Variants in POLA1 observed in about 807,000 individuals in gnomAD.
POLA1 encodes DNA polymerase alpha catalytic subunit.
A neutral mutation model predicts 124.0 loss-of-function variants in POLA1; 15 were observed. The ratio of observed to expected loss-of-function variants is 0.12; its 90% CI spans 0.08 to 0.19. POLA1 has a LOEUF of 0.19. POLA1 is among the 10% of genes least tolerant of loss of function. The pLI is 1.00. For missense variants in POLA1, 886 were observed against 1,103.4 expected (o/e 0.80, Z 2.79); for synonymous variants, 408 against 389.4 (o/e 1.05, Z -0.56).
At chrX:24,843,262 G>C in intron 33 of POLA1, among the ~76,000 whole-genome samples, 1 of 111,859 alleles carries the variant, frequency 8.9e-6, no homozygotes, top group Middle Eastern at 4.6e-3. Context: ...TTTACAGAGG[G>C]AAAATTATTT....
At chrX:24,970,934 C>T (rs1289886047) in intron 36 of POLA1, among the ~76,000 whole-genome samples, 4 of 112,131 alleles carry the variant, frequency 3.6e-5, no homozygotes, top group Non-Finnish European at 5.6e-5. Context: ...ACACAAGAAA[C>T]GAGGATACCT....
intron 35 of POLA1, among the ~76,000 whole-genome samples, chrX:24,927,444 A>G (rs1186868372): frequency 8.9e-6 from 1 of 111,946 alleles, no homozygotes; most frequent in Non-Finnish European, 1.9e-5. Flanking sequence ...GTATCAAAAC[A>G]GAGTTCTTTC....
intron 32 of POLA1, among the ~76,000 whole-genome samples, chrX:24,838,414 C>T (rs1361317055): frequency 8.9e-6 from 1 of 111,988 alleles, no homozygotes; most frequent in Non-Finnish European, 1.9e-5. Flanking sequence ...GCTGCTCTTC[C>T]TCCAGATAAC....
At chrX:24,890,762 G>A (rs1295100721) in intron 35 of POLA1, among the ~76,000 whole-genome samples, 1 of 112,195 alleles carries the variant, frequency 8.9e-6, no homozygotes, top group Non-Finnish European at 1.9e-5. Flanking sequence ...TTGATGATTA[G>A]CAACTTTTTT....
chrX:24,790,791 T>C (rs1022916576), intron 26 of POLA1, among the ~76,000 whole-genome samples: 6 of 108,902 alleles, frequency 5.5e-5, no homozygotes, highest in Admixed American at 9.9e-5. Context: ...ATTGAGAATA[T>C]GCAAGTTCAG....
chrX:24,921,892 T>TTGTGTGTGTGTGTGTG (rs755172411), intron 35 of POLA1, among the ~76,000 whole-genome samples: 4 of 105,715 alleles, frequency 3.8e-5, no homozygotes, highest in African/African-American at 1.1e-4. Context: ...GTTTTGCCTT[T>TTGTGTGTGTGTGTGTG]TGTGTGTGTG....
chrX:24,707,701 CAG>C (rs1307435614), intron 4 of POLA1, among the ~76,000 whole-genome samples: 2 of 112,450 alleles, frequency 1.8e-5, no homozygotes, highest in Non-Finnish European at 1.9e-5. Flanking sequence ...TGTTTTCAAA[CAG>C]AGAAAAATGG....
chrX:24,781,899 G>A (rs182314737), intron 26 of POLA1, among the ~76,000 whole-genome samples: 321 of 111,805 alleles, frequency 2.9e-3, no homozygotes, highest in African/African-American at 0.01. Flanking sequence ...GCCAATTTTA[G>A]TATATATTGT....
intron 5 of POLA1, 82 bp from the exon 6 acceptor site, chrX:24,715,059 C>T (rs1234728224): frequency 6.0e-6 from 4 of 665,042 alleles, no homozygotes; most frequent in Non-Finnish European, 7.3e-6. Context: ...CTAGGTCCTT[C>T]CTTTCATATA....
intron 29 of POLA1, 97 bp from the exon 30 acceptor site, chrX:24,814,882 A>G: frequency 1.3e-6 from 1 of 792,655 alleles, no homozygotes; most frequent in Non-Finnish European, 1.7e-6. Flanking sequence ...CCACATGTTA[A>G]TCTAATGGCA....
intron 35 of POLA1, among the ~76,000 whole-genome samples, chrX:24,916,568 C>T (rs780555908): frequency 9.0e-6 from 1 of 111,249 alleles, no homozygotes; most frequent in South Asian, 3.9e-4. Context: ...CGTGAGCCAC[C>T]GCGCCCGGCC....
chrX:24,962,911 G>C, intron 36 of POLA1, among the ~76,000 whole-genome samples: 2 of 111,565 alleles, frequency 1.8e-5, no homozygotes, highest in African/African-American at 3.3e-5. Flanking sequence ...GTAACCCCAT[G>C]AAATCTCACT....
chrX:24,894,062 C>A (rs2147148694), intron 35 of POLA1, among the ~76,000 whole-genome samples: 1 of 111,462 alleles, frequency 9.0e-6, no homozygotes, highest in African/African-American at 3.3e-5. Context: ...CCTTCTAGAC[C>A]CAATATTCCT....
chrX:24,971,530 G>A (rs2048302493), intron 36 of POLA1, among the ~76,000 whole-genome samples: 1 of 112,198 alleles, frequency 8.9e-6, no homozygotes, highest in South Asian at 3.7e-4. Context: ...ATCATAGCAT[G>A]GGCAGGGCAG....
At chrX:24,729,743 C>T (rs973783628) in intron 15 of POLA1, among the ~76,000 whole-genome samples, 7 of 109,995 alleles carry the variant, frequency 6.4e-5, no homozygotes, top group African/African-American at 2.3e-4. Flanking sequence ...TCTTTTTTAA[C>T]AGCATTTTGT....
In POLA1 at chrX:24,841,860, G is replaced by A. The variant is rs771632615; in HGVS notation, c.3915+30G>A. On this transcript the variant is annotated intron_variant, in intron 33 of 36. Coordinates refer to ENST00000379068, the MANE Select transcript of POLA1 (RefSeq NM_001330360.2). ...GTTGTTTCTGTCTTTCATTTTGTGA[G>A]TGAACTTGTATAAAGGCCTTACCCC... 29 of 1,111,532 alleles carry A rather than the reference G, an allele frequency of 2.6e-5. No homozygotes were observed. In the Admixed American group the frequency reaches 6.6e-4, roughly 25 times the overall value. The allele number at this position is 1,111,532 out of a possible 1,213,427, so 91.6% of individuals were successfully genotyped here.
intron 23 of POLA1, chrX:24,744,430 T>C (rs1201807017): frequency 3.1e-6 from 1 of 324,203 alleles, no homozygotes; most frequent in Non-Finnish European, 5.7e-6. Context: ...CAATTATTAT[T>C]GTCTTAATAG....
intron 35 of POLA1, among the ~76,000 whole-genome samples, chrX:24,899,040 T>C (rs961932913): frequency 1.8e-5 from 2 of 111,260 alleles, no homozygotes; most frequent in Non-Finnish European, 3.8e-5. Flanking sequence ...AATGTAATCA[T>C]ATCAAGCCGA....
chrX:24,722,729 T>G (rs753446270), intron 10 of POLA1, among the ~76,000 whole-genome samples: 5 of 104,202 alleles, frequency 4.8e-5, no homozygotes, highest in Non-Finnish European at 9.4e-5. Context: ...TTCTCTTTTT[T>G]TTTTCTTGAG....
Sources: allele counts gnomAD v4.1 joint callset (sites outside exome capture counted in the v4.1 genomes callset), GRCh38; gene constraint gnomAD v4.1.1; transcripts MANE v1.5; gene names NCBI Gene and HGNC (gene_info 2026-07-23, HGNC 2026-07-21).